The following MYO1D variants were observed in gnomAD, a reference collection of about 807,000 sequenced individuals.
MYO1D encodes the protein myosin ID, also known as unconventional myosin-Id.
In MYO1D, 83 loss-of-function variants were observed where a neutral mutation model predicts 122.0. The observed-to-expected ratio is 0.68, with a 90% CI of 0.57 to 0.82. The LOEUF (loss-of-function observed/expected upper bound fraction) is 0.82, where lower values mean the gene tolerates loss of function less well. Ranked by LOEUF, MYO1D falls within the 40% of genes least tolerant of loss-of-function variation. The pLI, the probability that MYO1D is intolerant of heterozygous loss-of-function variation, is 0.00. For synonymous variants in MYO1D, 464 were observed against 446.9 expected, an observed-to-expected ratio of 1.04 and a Z score of -0.48; for missense variants, 1,157 against 1,269.5, an observed-to-expected ratio of 0.91 and a Z score of 1.35.
chr17:32,664,567 T>C (rs1326532324), intron 16 of MYO1D, among the ~76,000 whole-genome samples: 1 of 152,162 alleles, frequency 6.6e-6, no homozygotes, highest in Non-Finnish European at 1.5e-5. Flanking sequence ...TTACATGCTT[T>C]AGGATATGAG....
chr17:32,728,143 A>G (rs2089597274), intron 14 of MYO1D, among the ~76,000 whole-genome samples: 1 of 152,244 alleles, frequency 6.6e-6, no homozygotes, highest in Admixed American at 6.5e-5. Context: ...TCAGGAAGAA[A>G]ATAGAAAAGT....
chr17:32,753,138 C>G (rs192146810), intron 11 of MYO1D, among the ~76,000 whole-genome samples: 2 of 152,078 alleles, frequency 1.3e-5, no homozygotes, highest in Admixed American at 1.3e-4. Flanking sequence ...AGGGGTAGAG[C>G]TGGAGGCCAT....
At chr17:32,663,764 T>G (rs531127926) in intron 16 of MYO1D, among the ~76,000 whole-genome samples, 5 of 152,352 alleles carry the variant, frequency 3.3e-5, no homozygotes, top group Admixed American at 2.0e-4. Context: ...AAGCCCTCCC[T>G]CTGGTACACC....
chr17:32,832,293 CTTTTTTT>C (rs955471882), intron 1 of MYO1D, among the ~76,000 whole-genome samples: 1 of 139,864 alleles, frequency 7.1e-6, no homozygotes, highest in African/African-American at 2.6e-5. Flanking sequence ...TTTCTTTCTT[CTTTTTTT>C]TTTTTTTGTA....
chr17:32,673,314 G>A (rs1171264386), intron 16 of MYO1D, among the ~76,000 whole-genome samples: 2 of 151,562 alleles, frequency 1.3e-5, no homozygotes, highest in South Asian at 2.1e-4. Context: ...GTGTTGCCCA[G>A]GCTGGTCCTG....
In MYO1D at chr17:32,525,687, C is replaced by T. The variant is rs148024141; in HGVS notation, c.2865-30772G>A. Among the ~76,000 whole-genome samples the T allele has an allele frequency of 9.3e-3, 1,411 of 152,154 alleles. 7 individuals are homozygous for T. The highest frequency in any genetic ancestry group is 0.043 in the East Asian group (222 of 5,166). ...TGCCCCAGAAATATCAGTTCTGGGG[C>T]CGAGAGACACTGCAGCGGCCCTCCC... On this transcript the variant is annotated intron_variant, in intron 21 of 21. Transcript: ENST00000318217.
At chr17:32,812,832 T>C (rs1464207653) in intron 1 of MYO1D, among the ~76,000 whole-genome samples, 1 of 152,188 alleles carries the variant, frequency 6.6e-6, no homozygotes, top group Non-Finnish European at 1.5e-5. Context: ...GAAAATAATA[T>C]TTATTGAGTA....
At chr17:32,760,124 C>T (rs1206241629) in intron 10 of MYO1D, 166 bp downstream of exon 10, 1 of 752,384 alleles carries the variant, frequency 1.3e-6, no homozygotes, top group Non-Finnish European at 2.4e-6. Flanking sequence ...ATAGCAATCC[C>T]ACCTAAAAAT....
At chr17:32,609,051 G>A (rs1489965056) in intron 20 of MYO1D, among the ~76,000 whole-genome samples, 8 of 152,164 alleles carry the variant, frequency 5.3e-5, no homozygotes, top group African/African-American at 1.2e-4. Context: ...GAACTACTCT[G>A]TATCCTGACT....
chr17:32,842,482 T>C (rs749671715), intron 1 of MYO1D, among the ~76,000 whole-genome samples: 9 of 152,142 alleles, frequency 5.9e-5, no homozygotes, highest in Non-Finnish European at 8.8e-5. Context: ...TCAAAGTCTT[T>C]ATATGTAGAT....
intron 7 of MYO1D, 52 bp downstream of exon 7, chr17:32,767,584 G>C: frequency 8.6e-7 from 1 of 1,169,492 alleles, no homozygotes; most frequent in Non-Finnish European, 1.2e-6. Context: ...TTCTGAGAAA[G>C]CATCCTGTTC....
chr17:32,613,789 CAAAAAAAA>C (rs60701225), intron 20 of MYO1D, among the ~76,000 whole-genome samples: 2 of 51,060 alleles, frequency 3.9e-5, no homozygotes, highest in East Asian at 7.8e-4. Context: ...GATTCCATCT[CAAAAAAAA>C]AAAAAAAAAA....
At chr17:32,716,103 C>A (rs565306081) in intron 15 of MYO1D, among the ~76,000 whole-genome samples, 1 of 152,190 alleles carries the variant, frequency 6.6e-6, no homozygotes, top group Non-Finnish European at 1.5e-5. Flanking sequence ...TCCTCACTAT[C>A]CATCAATCAT....
intron 1 of MYO1D, among the ~76,000 whole-genome samples, chr17:32,862,637 C>T (rs1028667996): frequency 3.3e-5 from 5 of 152,178 alleles, no homozygotes; most frequent in African/African-American, 1.2e-4. Flanking sequence ...GTAGCTAAAA[C>T]TGGATAACCA....
chr17:32,627,446 T>C (rs1416302139), intron 20 of MYO1D, among the ~76,000 whole-genome samples: 2 of 152,190 alleles, frequency 1.3e-5, no homozygotes, highest in Non-Finnish European at 2.9e-5. Flanking sequence ...GGGTTCACCC[T>C]GTACGCATTA....
rs944516973 is a variant in MYO1D, at chr17:32,496,633, G to A, written c.2865-1718C>T. 2.6e-5 allele frequency among the ~76,000 whole-genome samples: 4 copies of A among 152,278 alleles called. No individual in the cohort carries two copies. The South Asian group carries it at 8.3e-4, about 32-fold the overall frequency. On this transcript the variant is annotated intron_variant, in intron 21 of 21. Transcript: ENST00000318217. ...TGCCTCCAGGACCAGGCTGGTCCCT[G>A]AGCTGGGGTGGCCTCCCTGCCTCCC...
At chr17:32,508,464 C>T (rs753575187) in intron 21 of MYO1D, among the ~76,000 whole-genome samples, 24 of 151,816 alleles carry the variant, frequency 1.6e-4, no homozygotes, top group African/African-American at 4.8e-4. Flanking sequence ...TTACTAGAGA[C>T]GGAATTTTGG....
chr17:32,545,133 C>T (rs925968440), intron 21 of MYO1D, among the ~76,000 whole-genome samples: 1 of 152,166 alleles, frequency 6.6e-6, no homozygotes, highest in African/African-American at 2.4e-5. Flanking sequence ...CCTGTGGCCC[C>T]GAGTCTGCAT....
chr17:32,515,929 G>A (rs570078569), intron 21 of MYO1D, among the ~76,000 whole-genome samples: 7 of 152,270 alleles, frequency 4.6e-5, no homozygotes, highest in South Asian at 4.1e-4. Context: ...GTCTCATTGC[G>A]GTAAAAGAGC....
Sources: allele counts gnomAD v4.1 joint callset (sites outside exome capture counted in the v4.1 genomes callset), GRCh38; gene constraint gnomAD v4.1.1; transcripts MANE v1.5; gene names NCBI Gene and HGNC (gene_info 2026-07-23, HGNC 2026-07-21).